The following VPS51 variants were observed in gnomAD, a reference collection of about 807,000 sequenced individuals.
VPS51 encodes VPS51 subunit of GARP complex.
VPS51 carries 55 observed loss-of-function variants against 65.1 expected under a neutral mutation model. That is an observed-to-expected ratio of 0.84 (90% CI 0.68 to 1.06). VPS51 has a LOEUF of 1.06. VPS51 is among the 50% of genes least tolerant of loss of function. VPS51 has a pLI of 0.00. For missense variants in VPS51, 943 were observed against 1,101.6 expected, an observed-to-expected ratio of 0.86 and a Z score of 2.04; for synonymous variants, 473 against 489.5, an observed-to-expected ratio of 0.97 and a Z score of 0.44.
Position 65,108,446 on chromosome 11 carries a change from G to A in VPS51, c.975G>A (p.Leu325=), listed in dbSNP as rs1451817866. ...LCQVAAAYQE[L]FAAQGPAGAE... is the part of the protein sequence containing the mutation. Reference sequence around the variant, plus strand: ...AGGTGGCGGCGGCCTACCAGGAGCTGTTTGCGGCCCAGGGCCCAGCAGGTG... The same window carrying A: ...AGGTGGCGGCGGCCTACCAGGAGCTATTTGCGGCCCAGGGCCCAGCAGGTG... Residue 325 remains leucine (L), a synonymous_variant, in exon 5 of 10, where the codon CTG becomes CTA. Transcript: ENST00000279281. The A allele has an allele frequency of 2.5e-6, 4 of 1,611,402 alleles. No homozygotes were observed. The South Asian group carries it at 4.4e-5, about 18-fold the overall frequency.
chr11:65,105,673 C>T (rs1947837006), intron 2 of VPS51, among the ~76,000 whole-genome samples: 1 of 152,198 alleles, frequency 6.6e-6, no homozygotes, highest in Non-Finnish European at 1.5e-5. Flanking sequence ...CCCAAGCCTG[C>T]CTCCCTTCAG....
chr11:65,100,132 A>C (rs899401844), intron 2 of VPS51, among the ~76,000 whole-genome samples: 2 of 152,130 alleles, frequency 1.3e-5, no homozygotes, highest in African/African-American at 4.8e-5. Flanking sequence ...AATAATAATA[A>C]AAGGACAGCC....
rs1271265366 is a variant in VPS51 at position 65,110,510 on chromosome 11, G to T, written c.1907G>T (p.Arg636Leu). ...GGGCTCCTGTACGAAGAGGGTGTTC[G>T]CAAGGCCCAGAGCAGCGACTCCAGC... The part of the protein sequence containing the change: ...QVGLLYEEGV[R>L]KAQSSDSSKR... Residue 636 changes from arginine to leucine, a missense_variant, in exon 8 of 10, where the codon CGC becomes CTC. Transcript: ENST00000279281. 3 of 1,613,784 alleles carry T rather than the reference G, an allele frequency of 1.9e-6. No individual in the cohort carries two copies. Among genetic ancestry groups the T allele is most frequent in the African/African-American group, 1.3e-5 (1 of 74,890 alleles).
At chr11:65,098,180 GA>G (rs1386765911) in intron 2 of VPS51, among the ~76,000 whole-genome samples, 5 of 148,602 alleles carry the variant, frequency 3.4e-5, no homozygotes, top group South Asian at 2.1e-4. Flanking sequence ...GACTCTGTCT[GA>G]AAAAAAAAAT....
At chr11:65,101,762 C>CAAAAAAAAAAAAAA (rs1165429983) in intron 2 of VPS51, among the ~76,000 whole-genome samples, 1 of 26,336 alleles carries the variant, frequency 3.8e-5, no homozygotes, top group Non-Finnish European at 8.4e-5. Context: ...GACCTTGTCT[C>CAAAAAAAAAAAAAA]AAAAAAAAAA....
Position 65,107,123 on chromosome 11 carries a change from G to A in VPS51, c.359-458G>A. The A allele has an allele frequency of 2.2e-6, 1 of 457,950 alleles. No homozygotes were observed. The highest frequency in any genetic ancestry group is 4.4e-6 in the Non-Finnish European group (1 of 228,258). The allele number at this position is 457,950 out of a possible 1,614,324, so 28.4% of individuals were successfully genotyped here. ...AGACAGCCCATGTTCCGGAAAGCAT[G>A]TGAAAGGCTTTGGGAGGTCTGGAAA... is the stretch of plus-strand genomic sequence containing the variant. On this transcript the variant is annotated intron_variant, in intron 2 of 9. Transcript: ENST00000279281. The surrounding 1 kb of genome is among the most constrained non-coding windows in gnomAD (Gnocchi z 4.0).
In VPS51 at chr11:65,108,247, T is replaced by C; in HGVS notation, c.776T>C (p.Leu259Pro). 4.4e-6 allele frequency: 7 copies of C among 1,599,764 alleles called. No individual in the cohort carries two copies. Among genetic ancestry groups the C allele is most frequent in the Non-Finnish European group, 6.0e-6 (7 of 1,174,708 alleles). The change falls in exon 5 of 10, where the codon CTG becomes CCG. Residue 259 changes from leucine (L) to proline (P), a missense_variant. Physicochemically the swap from Leu to Pro is moderately conservative, Grantham distance 98. Transcript: ENST00000279281. ...PEQAECVELL[L>P]ALGEPAEELC... ...CAGGCAGAGTGCGTGGAGCTGCTGC[T>C]GGCCCTGGGCGAGCCTGCGGAGGAG...
Position 65,108,714 on chromosome 11 carries a change from C to A in VPS51, c.1243C>A (p.Arg415=), listed in dbSNP as rs771038781. The A allele has an allele frequency of 1.3e-5, 21 of 1,606,904 alleles. No individual in the cohort carries two copies. The highest frequency in any genetic ancestry group is 2.7e-5 in the African/African-American group (2 of 74,812). Residue 415 remains arginine (R), a synonymous_variant, in exon 5 of 10, where the codon CGG becomes AGG. Coordinates refer to ENST00000279281, the MANE Select transcript of VPS51 (RefSeq NM_013265.4). ...ERLGHHLQGL[R]AAFLGCLTDV... ...CCTGGGCCACCACCTGCAGGGTCTC[C>A]GGGCGGCCTTCCTGGGCTGCCTGAC... is the stretch of plus-strand genomic sequence containing the variant.
chr11:65,108,355 C>A lies in VPS51; in HGVS notation c.884C>A (p.Pro295His). ...CTGGAGGCCGAGCTGGGGCCCTCAC[C>A]TCCGGCTCCCGACGTGTTAGAGTTC... The part of the protein sequence containing the change: ...RNLEAELGPS[P>H]PAPDVLEFTD... Residue 295 changes from proline (P) to histidine (H), a missense_variant, in exon 5 of 10, where the codon CCT becomes CAT. Physicochemically the swap from Pro to His is moderately conservative, Grantham distance 77. Coordinates refer to ENST00000279281, the MANE Select transcript of VPS51 (RefSeq NM_013265.4). 1 of 1,612,000 alleles carries A rather than the reference C, an allele frequency of 6.2e-7. No individual in the cohort carries two copies. The highest frequency in any genetic ancestry group is 8.5e-7 in the Non-Finnish European group (1 of 1,179,616).
rs773919338 is a variant in VPS51 at position 65,111,328 on chromosome 11, T to G, written c.2090T>G (p.Val697Gly). The G allele has an allele frequency of 2.4e-5, 38 of 1,602,548 alleles. No homozygotes were observed. Among genetic ancestry groups the G allele is most frequent in the Non-Finnish European group, 3.2e-5 (38 of 1,179,628 alleles). The change falls in exon 10 of 10, where the codon GTG (valine) becomes GGG (glycine). Residue 697 changes from valine to glycine, a missense_variant and splice_region_variant. Physicochemically the swap from Val to Gly is moderately radical, Grantham distance 109. Transcript: ENST00000279281. Reference protein sequence around the residue: ...DVFSPVEFNKVSVLTGIIKIS... With the variant: ...DVFSPVEFNKGSVLTGIIKIS... ...GCATCCCTGTGTCCCTGCCTGCAGG[T>G]GTCGGTGCTGACCGGCATCATCAAG...
chr11:65,109,984 G>T, intron 7 of VPS51, 61 bp downstream of exon 7: 1 of 1,490,252 alleles, frequency 6.7e-7, no homozygotes, highest in Non-Finnish European at 9.0e-7. Flanking sequence ...CCCTTCAAGA[G>T]GGGCTGGGGC....
intron 1 of VPS51, 40 bp downstream of exon 1, chr11:65,096,518 G>GCC: frequency 2.4e-5 from 12 of 499,370 alleles, no homozygotes; most frequent in Non-Finnish European, 2.2e-5. Context: ...GGGGAGGGGG[G>GCC]AAGGGAACCA....
rs1466536832 is a variant in VPS51, at chr11:65,107,338, C to T, written c.359-243C>T. 1.6e-6 allele frequency: 1 copy of T among 628,950 alleles called. No homozygotes were observed. The highest frequency in any genetic ancestry group is 1.8e-5 in the African/African-American group (1 of 55,616). 39.0% of individuals were successfully genotyped at this position (628,950 alleles called of 1,614,324 possible). ...TGGACTAATTCTGAGGGCCGGCTCTCCTGGGCACCAGGGTTAGGGGGTTAC... is the reference window on the plus strand; with the variant it reads ...TGGACTAATTCTGAGGGCCGGCTCTTCTGGGCACCAGGGTTAGGGGGTTAC... On this transcript the variant is annotated intron_variant, in intron 2 of 9. Coordinates refer to ENST00000279281, the MANE Select transcript of VPS51 (RefSeq NM_013265.4). The surrounding 1 kb of genome is among the most constrained non-coding windows in gnomAD (Gnocchi z 4.0).
At position 65,108,553 on chromosome 11, in the gene VPS51, G is replaced by A; in HGVS notation, c.1082G>A (p.Gly361Asp). 1 of 1,569,358 alleles carries A rather than the reference G, an allele frequency of 6.4e-7. No individual in the cohort carries two copies. Among genetic ancestry groups the A allele is most frequent in the Non-Finnish European group, 8.6e-7 (1 of 1,164,806 alleles). Reference protein sequence around the residue: ...LVERRLAQEQGGGDNSLLVRA... With the variant: ...LVERRLAQEQDGGDNSLLVRA... ...GAGCGGCGGCTGGCGCAGGAGCAGG[G>A]TGGTGGTGACAACTCACTGCTGGTG... is the stretch of plus-strand genomic sequence containing the variant. Residue 361 changes from glycine (G) to aspartate (D), a missense_variant, in exon 5 of 10, where the codon GGT (glycine) becomes GAT (aspartate). Physicochemically the swap from Gly to Asp is moderately conservative, Grantham distance 94 (BLOSUM62 -1). Transcript: ENST00000279281.
In VPS51 at chr11:65,108,798, G is replaced by C. The variant is rs771110751; in HGVS notation, c.1327G>C (p.Ala443Pro). ...RVAGKEGPGL[A>P]ELLANVASSI... is the part of the protein sequence containing the mutation. ...GGCTGGGAAGGAGGGCCCTGGCCTG[G>C]CCGAGTTGCTGGCCAATGTGGCCAG... is the stretch of plus-strand genomic sequence containing the variant. The change falls in exon 5 of 10, where the codon GCC becomes CCC. Residue 443 changes from alanine to proline, a missense_variant. Ala to Pro is a conservative substitution (Grantham distance 27). Around this residue, in one of 2 missense-constraint regions of VPS51, gnomAD observed 855 missense variants for 953.7 expected, o/e 0.90. Transcript: ENST00000279281. The C allele has an allele frequency of 1.2e-6, 2 of 1,612,846 alleles. No individual in the cohort carries two copies. Among genetic ancestry groups the C allele is most frequent in the Non-Finnish European group, 1.7e-6 (2 of 1,179,974 alleles).
rs754247915 is a variant in VPS51, at chr11:65,096,263, G to C, written c.13G>C (p.Ala5Pro). MAAAAAAGPSPGSGP... is the reference protein window; with the variant it reads MAAAPAAGPSPGSGP... ...TGCAGTTGGAACGATGGCGGCGGCA[G>C]CTGCCGCCGGGCCTAGCCCGGGGTC... The change falls in exon 1 of 10, where the codon GCT (alanine) becomes CCT (proline). Residue 5 changes from alanine (A) to proline (P), a missense_variant. Physicochemically the swap from Ala to Pro is conservative, Grantham distance 27. Around this residue, in one of 2 missense-constraint regions of VPS51, gnomAD observed 855 missense variants for 953.7 expected, o/e 0.90. Transcript: ENST00000279281. 15 of 1,519,344 alleles carry C rather than the reference G, an allele frequency of 9.9e-6. No individual in the cohort carries two copies. The highest frequency in any genetic ancestry group is 2.3e-5 in the Admixed American group (1 of 44,338). The allele number at this position is 1,519,344 out of a possible 1,614,324, so 94.1% of individuals were successfully genotyped here. A position where few individuals can be genotyped will look rare whatever the true frequency, so the allele number is the denominator to read the frequency against.
intron 2 of VPS51, among the ~76,000 whole-genome samples, chr11:65,099,280 A>G (rs577723244): frequency 3.0e-4 from 46 of 152,294 alleles, no homozygotes; most frequent in African/African-American, 1.1e-3. Flanking sequence ...GGAACAGAGC[A>G]GGGATGGAGG....
intron 2 of VPS51, among the ~76,000 whole-genome samples, chr11:65,102,269 A>G (rs1947814709): frequency 6.6e-6 from 1 of 152,180 alleles, no homozygotes; most frequent in African/African-American, 2.4e-5. Flanking sequence ...GGCCTCCCAA[A>G]GTGCTGGGGT....
intron 2 of VPS51, among the ~76,000 whole-genome samples, chr11:65,100,465 T>C (rs937757496): frequency 6.0e-5 from 9 of 150,662 alleles, no homozygotes; most frequent in Admixed American, 4.0e-4. Flanking sequence ...CCTAGGAATA[T>C]ACCAAAGAGA....
Sources: gnomAD v4.1 joint callset for allele counts (sites outside exome capture counted in the v4.1 genomes callset) on GRCh38, gnomAD v4.1.1 for gene constraint, gnomAD v4.1.1 regional missense constraint, Gnocchi (gnomAD v3.1) non-coding constraint, MANE v1.5 for transcripts, NCBI Gene and HGNC (gene_info 2026-07-23, HGNC 2026-07-21) for gene names.